The following CAST variants were observed in gnomAD, a reference collection of about 807,000 sequenced individuals.
CAST encodes calpastatin.
Under a neutral mutation model 119.6 loss-of-function variants are expected in CAST, and 76 were observed. The observed-to-expected ratio is 0.64, with a 90% CI of 0.53 to 0.77. The LOEUF (loss-of-function observed/expected upper bound fraction) is 0.77. Ranked by LOEUF, CAST falls within the 30% of genes least tolerant of loss-of-function variation. The pLI, the probability that CAST is intolerant of heterozygous loss-of-function variation, is 0.00. For synonymous variants in CAST, 319 were observed against 331.6 expected (o/e 0.96, Z 0.41); for missense variants, 953 against 946.5 (o/e 1.01, Z -0.09).
the CAST span, among the ~76,000 whole-genome samples, chr5:96,002,761 A>G: frequency 6.6e-6 from 1 of 152,172 alleles, no homozygotes; most frequent in South Asian, 2.1e-4. Flanking sequence ...AAGTGAAAGG[A>G]CCACTGACTT....
chr5:96,664,402 T>TATATGTGTAA (rs1749044066), intron 1 of CAST, among the ~76,000 whole-genome samples: 1 of 71,522 alleles, frequency 1.4e-5, no homozygotes, highest in Non-Finnish European at 2.4e-5. Flanking sequence ...TATGTGTAAA[T>TATATGTGTAA]ATATATATAT....
intron 1 of CAST, among the ~76,000 whole-genome samples, chr5:96,616,509 T>C (rs914766464): frequency 1.3e-5 from 2 of 152,152 alleles, no homozygotes; most frequent in Non-Finnish European, 2.9e-5. Context: ...ACAGACTGTA[T>C]TGCTAATTAA....
the CAST span, chr5:96,398,961 C>CTTGATAGCA: frequency 6.2e-7 from 1 of 1,612,806 alleles, no homozygotes; most frequent in Non-Finnish European, 8.5e-7. Context: ...GCTCCAGGGA[C>CTTGATAGCA]TTGATAGCAT....
chr5:95,988,533 T>G, the CAST span, among the ~76,000 whole-genome samples: 1 of 152,170 alleles, frequency 6.6e-6, no homozygotes, highest in African/African-American at 2.4e-5. Context: ...TAATATTTAT[T>G]TCAGATATTT....
chr5:96,154,293 A>C, the CAST span, among the ~76,000 whole-genome samples: 51 of 151,162 alleles, frequency 3.4e-4, 1 homozygote, highest in Admixed American at 1.3e-3. Context: ...ACAACAACAA[A>C]AAAAAAACAA....
chr5:96,241,530 G>A, the CAST span, among the ~76,000 whole-genome samples: 1 of 149,566 alleles, frequency 6.7e-6, no homozygotes, highest in Non-Finnish European at 1.5e-5. Context: ...ACATACATGT[G>A]CATGTGTCTT....
the CAST span, among the ~76,000 whole-genome samples, chr5:96,021,660 A>C: frequency 6.6e-6 from 1 of 151,992 alleles, no homozygotes; most frequent in Admixed American, 6.6e-5. Flanking sequence ...GTTAGCCAGG[A>C]TGGTCTTTAT....
In CAST at chr5:96,585,745, A is replaced by C. The variant is rs570462001; in HGVS notation, c.60+55865A>C. 3.3e-5 allele frequency among the ~76,000 whole-genome samples: 5 copies of C among 152,336 alleles called. No homozygotes were observed. The East Asian group carries it at 9.6e-4, about 29-fold the overall frequency. ...GCCAAGGACCAGAAACCATATAAAA[A>C]CAAACACACATATTTTAAAACTTTT... On this transcript the variant is annotated intron_variant, in intron 1 of 11. Coordinates refer to the CAST transcript ENST00000505143.
chr5:95,973,195 G>T, the CAST span: 1 of 181,154 alleles, frequency 5.5e-6, no homozygotes, highest in Non-Finnish European at 1.2e-5. Context: ...GTTGTGGACA[G>T]TCTGTGTTTT....
chr5:96,021,763 T>C, the CAST span, among the ~76,000 whole-genome samples: 240 of 152,314 alleles, frequency 1.6e-3, no homozygotes, highest in African/African-American at 5.6e-3. Context: ...ATTTTCCATT[T>C]TCACAAATCA....
the CAST span, among the ~76,000 whole-genome samples, chr5:96,367,071 G>T: frequency 2.0e-5 from 3 of 152,344 alleles, no homozygotes; most frequent in South Asian, 6.2e-4. Context: ...CTGCAGGTCT[G>T]TTGGAGTTTG....
the CAST span, among the ~76,000 whole-genome samples, chr5:96,252,904 G>A: frequency 6.6e-6 from 1 of 152,126 alleles, no homozygotes; most frequent in Admixed American, 6.6e-5. Flanking sequence ...AATGACTGGA[G>A]TCTGACAGTT....
intron 1 of CAST, among the ~76,000 whole-genome samples, chr5:96,662,705 C>A: frequency 6.8e-6 from 1 of 147,222 alleles, no homozygotes; most frequent in East Asian, 2.0e-4. Context: ...GTGCGCTGGG[C>A]GTGGCGTTGG....
the CAST span, among the ~76,000 whole-genome samples, chr5:96,106,844 A>T: frequency 2.2e-5 from 3 of 138,112 alleles, no homozygotes; most frequent in Admixed American, 7.3e-5. Flanking sequence ...CCCATTATTA[A>T]TGTGTGGGAG....
At chr5:96,258,401 G>GA in the CAST span, among the ~76,000 whole-genome samples, 1 of 152,030 alleles carries the variant, frequency 6.6e-6, no homozygotes, top group Non-Finnish European at 1.5e-5. Context: ...CCTTCATTTT[G>GA]AAAAAATCAT....
At chr5:96,452,647 A>T in the CAST span, among the ~76,000 whole-genome samples, 1 of 79,318 alleles carries the variant, frequency 1.3e-5, no homozygotes, top group African/African-American at 4.1e-5. Context: ...TAATAAAAAA[A>T]AAAAAAAAAA....
the CAST span, among the ~76,000 whole-genome samples, chr5:96,205,404 T>C: frequency 2.0e-5 from 3 of 152,094 alleles, no homozygotes; most frequent in African/African-American, 7.2e-5. Context: ...AGTGTACATA[T>C]GATTTCATCA....
intron 1 of CAST, among the ~76,000 whole-genome samples, chr5:96,671,241 G>T (rs1750028088): frequency 6.6e-6 from 1 of 152,004 alleles, no homozygotes; most frequent in East Asian, 1.9e-4. Context: ...TCCTTCCAGT[G>T]AAATTCTTTA....
the CAST span, among the ~76,000 whole-genome samples, chr5:96,143,241 A>T: frequency 8.5e-5 from 13 of 152,240 alleles, no homozygotes; most frequent in African/African-American, 3.1e-4. Context: ...TATTACAGGC[A>T]TGATTTCTCT....
Sources: allele counts gnomAD v4.1 joint callset (sites outside exome capture counted in the v4.1 genomes callset), GRCh38; gene constraint gnomAD v4.1.1; transcripts MANE v1.5; gene names NCBI Gene and HGNC (gene_info 2026-07-23, HGNC 2026-07-21).